Variants in DLG2 observed in about 807,000 individuals in gnomAD.
The protein encoded by DLG2 is discs large MAGUK scaffold protein 2.
A neutral mutation model predicts 132.5 loss-of-function variants in DLG2; 45 were observed. The observed-to-expected ratio is 0.34, with a 90% CI of 0.27 to 0.44. The LOEUF is 0.44. Among genes scored for constraint, DLG2 ranks in the 20% least tolerant of loss-of-function variants. DLG2 has a pLI of 1.00. For synonymous variants in DLG2, 424 were observed against 419.6 expected (o/e 1.01, Z -0.13); for missense variants, 1,045 against 1,196.9 (o/e 0.87, Z 1.87).
chr11:83,716,364 T>C (rs1429143610), intron 18 of DLG2, among the ~76,000 whole-genome samples: 1 of 152,172 alleles, frequency 6.6e-6, no homozygotes, highest in Non-Finnish European at 1.5e-5. Flanking sequence ...TGTCTTACTC[T>C]CAGGCCCTGG....
rs1457533632 is a variant in DLG2, at chr11:84,467,987, C to T, written c.519+66583G>A. Among the ~76,000 whole-genome samples, 22 of 151,446 alleles carry T rather than the reference C, an allele frequency of 1.5e-4. 2 individuals are homozygous for T. On this transcript the variant is annotated intron_variant, in intron 7 of 27. Coordinates refer to ENST00000376104, the MANE Select transcript of DLG2 (RefSeq NM_001142699.3). The stretch of plus-strand genomic sequence containing the variant: ...AACATTTATTGTATTATTCTTTCAA[C>T]ATTCCATTCAGTTTGAAAATTACCA...
chr11:83,594,431 G>C (rs983491553), intron 19 of DLG2, among the ~76,000 whole-genome samples: 9 of 152,136 alleles, frequency 5.9e-5, no homozygotes, highest in African/African-American at 2.2e-4. Flanking sequence ...ATACAGTCTT[G>C]AGTAATTTTA....
intron 3 of DLG2, among the ~76,000 whole-genome samples, chr11:85,381,847 TATAG>T (rs2085918474): frequency 6.6e-6 from 1 of 152,062 alleles, no homozygotes; most frequent in African/African-American, 2.4e-5. Flanking sequence ...AAAGTAAAGA[TATAG>T]ATAAACAGAC....
chr11:84,501,813 G>T (rs1004263485), intron 7 of DLG2, among the ~76,000 whole-genome samples: 4 of 151,996 alleles, frequency 2.6e-5, no homozygotes, highest in Non-Finnish European at 4.4e-5. Context: ...GCCACCAAAA[G>T]AGTAATTTGT....
At chr11:84,943,040 C>T (rs1219924271) in intron 6 of DLG2, among the ~76,000 whole-genome samples, 1 of 151,968 alleles carries the variant, frequency 6.6e-6, no homozygotes, top group Admixed American at 6.6e-5. Flanking sequence ...TATAGTGACT[C>T]CTGCTCTTTT....
At chr11:84,681,750 G>T in intron 6 of DLG2, among the ~76,000 whole-genome samples, 1 of 151,840 alleles carries the variant, frequency 6.6e-6, no homozygotes, top group East Asian at 1.9e-4. Flanking sequence ...CGCCCCTGCT[G>T]AGATTCAGAC....
intron 5 of DLG2, among the ~76,000 whole-genome samples, chr11:85,128,843 G>A (rs2075412902): frequency 6.6e-6 from 1 of 152,098 alleles, no homozygotes; most frequent in Non-Finnish European, 1.5e-5. Context: ...ATACTGAGGG[G>A]TATTCATTAA....
chr11:84,407,972 C>A (rs1296112256), intron 7 of DLG2, among the ~76,000 whole-genome samples: 1 of 152,224 alleles, frequency 6.6e-6, no homozygotes, highest in East Asian at 1.9e-4. Context: ...TAGCCAGCAC[C>A]TTTACAAGTT....
chr11:84,475,530 G>A (rs2099119359), intron 7 of DLG2, among the ~76,000 whole-genome samples: 1 of 152,050 alleles, frequency 6.6e-6, no homozygotes, highest in Non-Finnish European at 1.5e-5. Context: ...CTTTGCCAGT[G>A]GGTGTGTTGA....
intron 7 of DLG2, among the ~76,000 whole-genome samples, chr11:84,282,991 C>T (rs1012438177): frequency 3.3e-5 from 5 of 152,178 alleles, no homozygotes; most frequent in African/African-American, 1.2e-4. Flanking sequence ...AGCAGAACCA[C>T]TTCATGTAAT....
In DLG2 at chr11:84,969,833, C is replaced by T. The variant is rs971158433; in HGVS notation, c.357+141828G>A. On this transcript the variant is annotated intron_variant, in intron 6 of 27. Coordinates refer to ENST00000376104, the MANE Select transcript of DLG2 (RefSeq NM_001142699.3). ...CACACATACACCATGGAATACTATG[C>T]AGCCATAAAAAAGATGAGTTCATGT... Among the ~76,000 whole-genome samples, 6 of 152,114 alleles carry T rather than the reference C, an allele frequency of 3.9e-5. No individual in the cohort carries two copies. In the East Asian group the frequency reaches 1.2e-3, roughly 29 times the overall value.
chr11:84,934,294 T>C (rs1371640259), intron 6 of DLG2, among the ~76,000 whole-genome samples: 1 of 152,056 alleles, frequency 6.6e-6, no homozygotes, highest in Non-Finnish European at 1.5e-5. Flanking sequence ...TTGAAAATAT[T>C]TGCATCAATG....
intron 6 of DLG2, among the ~76,000 whole-genome samples, chr11:84,757,917 T>G (rs77899603): frequency 0.014 from 2,171 of 152,258 alleles, 49 homozygotes; most frequent in African/African-American, 0.049. Flanking sequence ...ATGCCTCTTA[T>G]CCTAATACCA....
At chr11:84,582,494 A>G (rs1473900172) in intron 6 of DLG2, among the ~76,000 whole-genome samples, 2 of 148,788 alleles carry the variant, frequency 1.3e-5, no homozygotes, top group East Asian at 3.9e-4. Context: ...ATAAACATAC[A>G]TACATATATA....
At chr11:84,036,080 G>A (rs2095856440) in intron 11 of DLG2, among the ~76,000 whole-genome samples, 1 of 152,038 alleles carries the variant, frequency 6.6e-6, no homozygotes, top group Non-Finnish European at 1.5e-5. Flanking sequence ...AAAGAAAAAT[G>A]TAAGCATAGG....
intron 8 of DLG2, among the ~76,000 whole-genome samples, chr11:84,173,423 A>G (rs10792727): frequency 0.64 from 97,886 of 152,042 alleles, 33,683 homozygotes; most frequent in Middle Eastern, 0.83. Flanking sequence ...TGTCCCAACA[A>G]ATCTCCTCCC....
chr11:84,514,003 T>G (rs2099264863), intron 7 of DLG2, among the ~76,000 whole-genome samples: 1 of 152,026 alleles, frequency 6.6e-6, no homozygotes, highest in South Asian at 2.1e-4. Flanking sequence ...AAAAAAAATC[T>G]AATAATCTTA....
intron 3 of DLG2, among the ~76,000 whole-genome samples, chr11:85,536,658 C>G (rs2075605667): frequency 6.6e-6 from 1 of 152,224 alleles, no homozygotes; most frequent in Non-Finnish European, 1.5e-5. Flanking sequence ...GCGTGCGGTG[C>G]TCACAGGCCA....
intron 6 of DLG2, among the ~76,000 whole-genome samples, chr11:84,665,703 T>C (rs951560526): frequency 6.6e-5 from 10 of 152,164 alleles, no homozygotes; most frequent in African/African-American, 2.4e-4. Flanking sequence ...GTTATTACTT[T>C]CTGTTGTGCT....
Sources: allele counts gnomAD v4.1 joint callset (sites outside exome capture counted in the v4.1 genomes callset), GRCh38; gene constraint gnomAD v4.1.1; transcripts MANE v1.5; gene names NCBI Gene and HGNC (gene_info 2026-07-23, HGNC 2026-07-21).